Variants in LRRC7 observed in about 807,000 individuals in gnomAD.
LRRC7 encodes leucine rich repeat containing 7, also known as leucine-rich repeat-containing protein 7.
A neutral mutation model predicts 175.7 loss-of-function variants in LRRC7; 23 were observed. The observed-to-expected ratio is 0.13, with a 90% CI of 0.09 to 0.19. The LOEUF (loss-of-function observed/expected upper bound fraction) is 0.19. Among genes scored for constraint, LRRC7 ranks in the 10% least tolerant of loss-of-function variants. The probability of loss-of-function intolerance (pLI) is 1.00; values close to 1 mark genes in which losing one functional copy is unlikely to be tolerated. For missense variants in LRRC7, 1,354 were observed against 1,904.7 expected, an observed-to-expected ratio of 0.71 and a Z score of 5.38; for synonymous variants, 685 against 680.9, an observed-to-expected ratio of 1.01 and a Z score of -0.09.
intron 2 of LRRC7, among the ~76,000 whole-genome samples, chr1:69,721,468 T>G (rs540130541): frequency 1.7e-3 from 261 of 151,984 alleles, no homozygotes; most frequent in Non-Finnish European, 2.8e-3. Flanking sequence ...CAGTGTGTAG[T>G]TTTTTCAGAT....
At chr1:70,064,578 C>G (rs976581933) in intron 23 of LRRC7, among the ~76,000 whole-genome samples, 1 of 151,838 alleles carries the variant, frequency 6.6e-6, no homozygotes, top group Admixed American at 6.6e-5. Flanking sequence ...GTTAAATAAC[C>G]TCAACACCAG....
chr1:69,884,849 C>CT (rs1687008680), intron 7 of LRRC7, among the ~76,000 whole-genome samples: 2 of 142,540 alleles, frequency 1.4e-5, no homozygotes, highest in South Asian at 4.5e-4. Context: ...TTGTCAAAGG[C>CT]TTTTTCTGCA....
At chr1:69,851,353 A>G (rs544318988) in intron 7 of LRRC7, among the ~76,000 whole-genome samples, 7 of 152,276 alleles carry the variant, frequency 4.6e-5, no homozygotes, top group Admixed American at 1.3e-4. Context: ...GGCACATTGC[A>G]TCATGAAAAG....
At chr1:70,066,618 A>G (rs986254897) in intron 23 of LRRC7, among the ~76,000 whole-genome samples, 2 of 151,930 alleles carry the variant, frequency 1.3e-5, no homozygotes, top group African/African-American at 4.8e-5. Context: ...CAGTTCGTTT[A>G]TCATTTACCT....
intron 22 of LRRC7, among the ~76,000 whole-genome samples, chr1:70,051,982 G>A (rs1004961151): frequency 3.3e-5 from 5 of 151,980 alleles, no homozygotes; most frequent in Non-Finnish European, 5.9e-5. Flanking sequence ...TCTAGGTAGG[G>A]TAGGAGGACA....
At chr1:69,604,576 C>A (rs1304257348) in intron 1 of LRRC7, among the ~76,000 whole-genome samples, 1 of 152,120 alleles carries the variant, frequency 6.6e-6, no homozygotes, top group Non-Finnish European at 1.5e-5. Context: ...GAGAACAGAA[C>A]CCCAAGAGAG....
Position 69,994,066 on chromosome 1 carries a change from G to A in LRRC7, c.932-495G>A, listed in dbSNP as rs79920951. On this transcript the variant is annotated intron_variant, in intron 10 of 26. Coordinates refer to ENST00000651989, the MANE Select transcript of LRRC7 (RefSeq NM_001370785.2). ...TGCCAAAAAGAATATGACGTCATAT[G>A]TTGTAAATTTCCAAGAACATAATTA... Among the ~76,000 whole-genome samples, 637 of 152,268 alleles carry A rather than the reference G, an allele frequency of 4.2e-3. 3 individuals carry two copies. Among genetic ancestry groups the A allele is most frequent in the African/African-American group, 0.014 (589 of 41,562 alleles).
intron 2 of LRRC7, among the ~76,000 whole-genome samples, chr1:69,755,860 T>C (rs1182057694): frequency 6.6e-6 from 1 of 151,934 alleles, no homozygotes; most frequent in Non-Finnish European, 1.5e-5. Flanking sequence ...CTAAAACCTA[T>C]CAAGCCTGCA....
At chr1:70,093,854 A>T (rs1664203899) in intron 25 of LRRC7, among the ~76,000 whole-genome samples, 1 of 152,202 alleles carries the variant, frequency 6.6e-6, no homozygotes, top group Non-Finnish European at 1.5e-5. Context: ...AATTTAAGGA[A>T]TTTACCAGTA....
intron 4 of LRRC7, among the ~76,000 whole-genome samples, chr1:69,817,590 C>A (rs1017167150): frequency 6.6e-6 from 1 of 151,928 alleles, no homozygotes; most frequent in Admixed American, 6.6e-5. Flanking sequence ...TCTTCTTGCT[C>A]AAAATTACTT....
intron 1 of LRRC7, among the ~76,000 whole-genome samples, chr1:69,670,893 T>C (rs1658973713): frequency 2.0e-5 from 3 of 152,114 alleles, no homozygotes; most frequent in African/African-American, 7.2e-5. Context: ...GGCATGGGAC[T>C]CACTATTCGG....
rs577425661 is a variant in LRRC7 at position 69,755,053 on chromosome 1, T to A, written c.101-5138T>A. 4.6e-5 allele frequency among the ~76,000 whole-genome samples: 7 copies of A among 152,094 alleles called. No homozygotes were observed. The South Asian group carries it at 1.5e-3, about 32-fold the overall frequency. On this transcript the variant is annotated intron_variant, in intron 2 of 26. Coordinates refer to ENST00000651989, the MANE Select transcript of LRRC7 (RefSeq NM_001370785.2). ...AAAGGGAAGAACCAAAGTGGACGGA[T>A]AAGTGTCAGAAGAGTTGATGTCAGG...
rs35445128 is a variant in LRRC7, at chr1:69,711,710, C to A, written c.100+33232C>A. Among the ~76,000 whole-genome samples, 40 of 152,210 alleles carry A rather than the reference C, an allele frequency of 2.6e-4. No individual in the cohort carries two copies. In the East Asian group the frequency reaches 6.9e-3, roughly 26 times the overall value. On this transcript the variant is annotated intron_variant, in intron 2 of 26. Transcript: ENST00000651989. The stretch of plus-strand genomic sequence containing the variant: ...TCATGGCTCAAGTGCTGTAGCAACA[C>A]TTGATAAATATTACAGTGTCTAGAG...
chr1:69,606,138 C>T (rs1647526627), intron 1 of LRRC7, among the ~76,000 whole-genome samples: 1 of 152,140 alleles, frequency 6.6e-6, no homozygotes, highest in Non-Finnish European at 1.5e-5. Flanking sequence ...AGCATTCACA[C>T]ATTCAGCATT....
intron 2 of LRRC7, among the ~76,000 whole-genome samples, chr1:69,707,230 G>A (rs1210794943): frequency 1.3e-5 from 2 of 152,172 alleles, no homozygotes; most frequent in Non-Finnish European, 2.9e-5. Flanking sequence ...ATCTGCCTGA[G>A]AACAGTCTTT....
chr1:69,599,616 A>G (rs762049126), intron 1 of LRRC7, among the ~76,000 whole-genome samples: 1 of 152,248 alleles, frequency 6.6e-6, no homozygotes, highest in African/African-American at 2.4e-5. Context: ...AAACTAATAG[A>G]AGTTGAAGCT....
chr1:69,598,358 G>C (rs1331518134), intron 1 of LRRC7, among the ~76,000 whole-genome samples: 2 of 152,046 alleles, frequency 1.3e-5, no homozygotes, highest in Non-Finnish European at 2.9e-5. Flanking sequence ...ATTATTGCCT[G>C]ATATATGAAT....
At chr1:69,642,849 T>TAGATAGATAGAC (rs1386221852) in intron 1 of LRRC7, among the ~76,000 whole-genome samples, 1 of 151,960 alleles carries the variant, frequency 6.6e-6, no homozygotes, top group African/African-American at 2.4e-5. Context: ...GATAGATAGA[T>TAGATAGATAGAC]AGATAGATTA....
chr1:69,981,718 ACCAATC>A (rs1451688630), intron 9 of LRRC7, among the ~76,000 whole-genome samples: 3 of 152,214 alleles, frequency 2.0e-5, no homozygotes, highest in African/African-American at 7.2e-5. Context: ...CGAGACACTT[ACCAATC>A]CCTGTGCAAA....
Sources: gnomAD v4.1 joint callset for allele counts (sites outside exome capture counted in the v4.1 genomes callset) on GRCh38, gnomAD v4.1.1 for gene constraint, MANE v1.5 for transcripts, NCBI Gene and HGNC (gene_info 2026-07-23, HGNC 2026-07-21) for gene names.